HS3ST4: variants seen among roughly 807,000 people sequenced by gnomAD.
HS3ST4 encodes heparan sulfate glucosamine 3-O-sulfotransferase 4.
In HS3ST4, 17 loss-of-function variants were observed where a neutral mutation model predicts 29.2. That is an observed-to-expected ratio of 0.58 (90% CI 0.40 to 0.87). The LOEUF (loss-of-function observed/expected upper bound fraction) is 0.87, where lower values mean the gene tolerates loss of function less well. Ranked by LOEUF, HS3ST4 falls within the 40% of genes least tolerant of loss-of-function variation. HS3ST4 has a pLI of 0.00. For synonymous variants in HS3ST4, 314 were observed against 285.7 expected (o/e 1.10, Z -1.00); for missense variants, 627 against 634.5 (o/e 0.99, Z 0.13).
intron 1 of HS3ST4, among the ~76,000 whole-genome samples, chr16:25,891,143 G>A (rs140468119): frequency 3.3e-5 from 5 of 152,300 alleles, no homozygotes; most frequent in East Asian, 3.9e-4. Context: ...ATGGGGTAAC[G>A]TTTCAGGCTT....
Position 26,135,608 on chromosome 16 carries a change from C to G in HS3ST4, c.735-4C>G. On this transcript the variant is annotated splice_polypyrimidine_tract_variant and splice_region_variant and intron_variant, in intron 1 of 1. Transcript: ENST00000331351. Reference sequence around the variant, plus strand: ...ATTCTCTTCCTTTTTCCTCCCTCTCCTAGAAATGTGATGCCCAAGACTTTG... The same window carrying G: ...ATTCTCTTCCTTTTTCCTCCCTCTCGTAGAAATGTGATGCCCAAGACTTTG... 1 of 1,581,862 alleles carries G rather than the reference C, an allele frequency of 6.3e-7. No individual in the cohort carries two copies. The highest frequency in any genetic ancestry group is 8.6e-7 in the Non-Finnish European group (1 of 1,166,004).
chr16:25,920,581 C>T (rs1333557169), intron 1 of HS3ST4, among the ~76,000 whole-genome samples: 13 of 147,058 alleles, frequency 8.8e-5, no homozygotes, highest in African/African-American at 7.7e-5. Flanking sequence ...AGTAGAAATC[C>T]TTCCCCTCAC....
intron 1 of HS3ST4, among the ~76,000 whole-genome samples, chr16:25,810,484 G>C (rs1967032325): frequency 6.6e-6 from 1 of 152,128 alleles, no homozygotes; most frequent in Admixed American, 6.6e-5. Flanking sequence ...TGGGCTGCTT[G>C]TTTTGTTGAG....
intron 1 of HS3ST4, among the ~76,000 whole-genome samples, chr16:26,073,420 G>C (rs764623369): frequency 6.6e-6 from 1 of 151,930 alleles, no homozygotes; most frequent in Non-Finnish European, 1.5e-5. Context: ...TGTTACCCAG[G>C]CTGGAGTGCA....
intron 1 of HS3ST4, among the ~76,000 whole-genome samples, chr16:25,727,203 A>G (rs903808847): frequency 1.2e-4 from 19 of 152,338 alleles, no homozygotes; most frequent in Non-Finnish European, 2.4e-4. Context: ...GATCCATTTT[A>G]TTATTAATAG....
At chr16:26,051,880 GCCTCCCTCCCTCCCTCCCTC>G (rs60911157) in intron 1 of HS3ST4, among the ~76,000 whole-genome samples, 40 of 63,006 alleles carry the variant, frequency 6.3e-4, no homozygotes, top group African/African-American at 2.1e-3. Context: ...CTCCCTCCCT[GCCTCCCTCCCTCCCTCCCTC>G]CCTCCCTCCC....
intron 1 of HS3ST4, among the ~76,000 whole-genome samples, chr16:25,734,354 C>A (rs530336687): frequency 3.9e-4 from 59 of 152,150 alleles, no homozygotes; most frequent in Non-Finnish European, 6.6e-4. Context: ...CAGCTTGGAT[C>A]TTAAATTTCA....
chr16:25,932,230 C>G (rs1419630036), intron 1 of HS3ST4, among the ~76,000 whole-genome samples: 1 of 152,160 alleles, frequency 6.6e-6, no homozygotes, highest in Admixed American at 6.5e-5. Context: ...GGGAGGATCG[C>G]TTGAGACCAG....
At chr16:25,759,416 G>A (rs2141605515) in intron 1 of HS3ST4, among the ~76,000 whole-genome samples, 1 of 152,330 alleles carries the variant, frequency 6.6e-6, no homozygotes, top group South Asian at 2.1e-4. Flanking sequence ...TTTCTGCCTT[G>A]AGTAGCTTGC....
intron 1 of HS3ST4, among the ~76,000 whole-genome samples, chr16:26,103,588 T>C (rs1283350000): frequency 1.3e-5 from 2 of 152,196 alleles, no homozygotes; most frequent in Non-Finnish European, 2.9e-5. Flanking sequence ...TCAGAACATT[T>C]GTTTTATTCC....
At chr16:25,707,961 G>T (rs1406013439) in intron 1 of HS3ST4, among the ~76,000 whole-genome samples, 1 of 152,152 alleles carries the variant, frequency 6.6e-6, no homozygotes. Flanking sequence ...AAATGCTGGT[G>T]AACAGTGTCA....
At chr16:26,135,053 T>A (rs1898261728) in intron 1 of HS3ST4, among the ~76,000 whole-genome samples, 1 of 152,198 alleles carries the variant, frequency 6.6e-6, no homozygotes, top group African/African-American at 2.4e-5. Flanking sequence ...TGATTACAAA[T>A]CATTCTTATC....
chr16:26,125,569 TAG>T (rs1023072788), intron 1 of HS3ST4, among the ~76,000 whole-genome samples: 7 of 152,226 alleles, frequency 4.6e-5, no homozygotes, highest in African/African-American at 1.7e-4. Context: ...CCTGCTTTAG[TAG>T]AATCCTCAAG....
In HS3ST4 at chr16:25,767,680, T is replaced by A. The variant is rs1404285553; in HGVS notation, c.734+74529T>A. Among the ~76,000 whole-genome samples, 5 of 152,248 alleles carry A rather than the reference T, an allele frequency of 3.3e-5. No individual in the cohort carries two copies. The East Asian group carries it at 7.7e-4, about 24-fold the overall frequency. On this transcript the variant is annotated intron_variant, in intron 1 of 1. Transcript: ENST00000331351. ...TCTCTGGATTATGGCAGTTTCTGGT[T>A]ATGGGATACTGATAACTTCTGAGCA...
At chr16:25,814,818 C>A (rs886286994) in intron 1 of HS3ST4, among the ~76,000 whole-genome samples, 1 of 152,176 alleles carries the variant, frequency 6.6e-6, no homozygotes, top group Non-Finnish European at 1.5e-5. Context: ...AATGCATTTG[C>A]AATGATTTCT....
chr16:25,790,685 A>C (rs1440215885), intron 1 of HS3ST4, among the ~76,000 whole-genome samples: 1 of 152,190 alleles, frequency 6.6e-6, no homozygotes, highest in African/African-American at 2.4e-5. Context: ...TTGGCTGTAC[A>C]ATGTACTCTC....
chr16:25,833,461 G>A (rs931352737), intron 1 of HS3ST4, among the ~76,000 whole-genome samples: 2 of 152,110 alleles, frequency 1.3e-5, no homozygotes, highest in Non-Finnish European at 2.9e-5. Context: ...TCATACCATG[G>A]TTTGTAGTGA....
At chr16:26,075,110 T>A (rs149867511) in intron 1 of HS3ST4, among the ~76,000 whole-genome samples, 19 of 152,266 alleles carry the variant, frequency 1.2e-4, no homozygotes, top group African/African-American at 4.6e-4. Flanking sequence ...GGAGAATCGC[T>A]TGAACCCGGG....
chr16:25,891,817 C>A (rs1968011319), intron 1 of HS3ST4, among the ~76,000 whole-genome samples: 1 of 152,178 alleles, frequency 6.6e-6, no homozygotes, highest in Non-Finnish European at 1.5e-5. Context: ...GTAGCACAGG[C>A]TATAGAGTCA....
Sources: gnomAD v4.1 joint callset for allele counts (sites outside exome capture counted in the v4.1 genomes callset) on GRCh38, gnomAD v4.1.1 for gene constraint, MANE v1.5 for transcripts, NCBI Gene and HGNC (gene_info 2026-07-23, HGNC 2026-07-21) for gene names.